Variants in TLK1 observed in about 807,000 individuals in gnomAD.
The protein encoded by TLK1 is serine/threonine-protein kinase tousled-like 1.
TLK1 carries 24 observed loss-of-function variants against 105.3 expected under a neutral mutation model. The ratio of observed to expected loss-of-function variants is 0.23; its 90% CI spans 0.17 to 0.32. The LOEUF is 0.32. TLK1 is among the 10% of genes least tolerant of loss of function. TLK1 has a pLI of 1.00. For missense variants in TLK1, 558 were observed against 910.5 expected, an observed-to-expected ratio of 0.61 and a Z score of 4.98; for synonymous variants, 321 against 310.4, an observed-to-expected ratio of 1.03 and a Z score of -0.36.
At chr2:171,028,076 T>C (rs951853782) in intron 12 of TLK1, among the ~76,000 whole-genome samples, 2 of 152,034 alleles carry the variant, frequency 1.3e-5, no homozygotes, top group African/African-American at 2.4e-5. Flanking sequence ...AGCACGAAAA[T>C]TGCTTGAACC....
upstream of TLK1, among the ~76,000 whole-genome samples, chr2:171,161,126 G>C (rs868091917): frequency 4.5e-3 from 662 of 147,758 alleles, 3 homozygotes; most frequent in African/African-American, 0.016. Context: ...ATCGCCGCGC[G>C]GCGCGGGAGC....
chr2:171,081,542 A>T, intron 3 of TLK1: 1 of 679,584 alleles, frequency 1.5e-6, no homozygotes. Context: ...AACTTTGACT[A>T]GAGCTAAACC....
chr2:171,101,970 A>C (rs573852118), intron 2 of TLK1, among the ~76,000 whole-genome samples: 2 of 152,244 alleles, frequency 1.3e-5, no homozygotes, highest in Non-Finnish European at 2.9e-5. Context: ...TTGAATAGGC[A>C]ATATAAACAG....
At chr2:171,016,301 C>T (rs1044545788) in intron 12 of TLK1, among the ~76,000 whole-genome samples, 1 of 152,068 alleles carries the variant, frequency 6.6e-6, no homozygotes, top group African/African-American at 2.4e-5. Flanking sequence ...GCCACCACAC[C>T]TGGCTATTTT....
intron 2 of TLK1, among the ~76,000 whole-genome samples, chr2:171,084,152 A>C (rs919173765): frequency 1.3e-5 from 2 of 152,184 alleles, no homozygotes; most frequent in Non-Finnish European, 2.9e-5. Context: ...ATATGGGAGG[A>C]AACAGAAAGA....
intron 1 of TLK1, among the ~76,000 whole-genome samples, chr2:171,207,687 T>C (rs1227183530): frequency 2.0e-5 from 3 of 152,166 alleles, no homozygotes; most frequent in Non-Finnish European, 4.4e-5. Context: ...GCTCTAAAAA[T>C]AAAATCTATT....
intron 5 of TLK1, 143 bp from the exon 6 acceptor site, chr2:171,056,709 A>C (rs933970583): frequency 3.9e-5 from 21 of 541,072 alleles, no homozygotes; most frequent in South Asian, 3.1e-4. Context: ...AAAAAAAAAA[A>C]CACAAGGTCA....
In TLK1 at chr2:171,020,956, G is replaced by A. The variant is rs551637117; in HGVS notation, c.1237-6008C>T. On this transcript the variant is annotated intron_variant, in intron 12 of 20. Transcript: ENST00000431350. The stretch of plus-strand genomic sequence containing the variant: ...CTAAAGTGGCTTATTACTGATGAGA[G>A]CATACTGTATCACCTCAGGTGTGTT... 4.6e-5 allele frequency among the ~76,000 whole-genome samples: 7 copies of A among 152,234 alleles called. No individual in the cohort carries two copies. The East Asian group carries it at 9.6e-4, about 21-fold the overall frequency.
At chr2:171,121,126 A>C (rs78400445) in intron 1 of TLK1, among the ~76,000 whole-genome samples, 27,740 of 152,100 alleles carry the variant, frequency 0.18, 3,393 homozygotes, top group East Asian at 0.54. Context: ...GAAGACAGAA[A>C]ATTTCTACAG....
intron 1 of TLK1, among the ~76,000 whole-genome samples, chr2:171,138,723 C>G (rs1224018277): frequency 1.3e-5 from 2 of 152,106 alleles, no homozygotes; most frequent in Admixed American, 1.3e-4. Context: ...TCTTGGTAAT[C>G]AAATATATGT....
chr2:171,053,737 T>C (rs775821705), intron 8 of TLK1, 24 bp downstream of exon 8: 5 of 1,508,982 alleles, frequency 3.3e-6, no homozygotes, highest in African/African-American at 2.8e-5. Context: ...TCAATTTTTT[T>C]CCCCTCTATG....
chr2:170,995,851 G>A (rs1238083302), intron 20 of TLK1, among the ~76,000 whole-genome samples: 2 of 152,018 alleles, frequency 1.3e-5, no homozygotes, highest in African/African-American at 2.4e-5. Context: ...TAAAGGCACG[G>A]GCCCCTACAC....
In TLK1 at chr2:171,129,173, ACT is replaced by A. The variant is rs567383166; in HGVS notation, c.140-11318_140-11317del. On this transcript the variant is annotated intron_variant, in intron 1 of 20. Transcript: ENST00000431350. ...CTTGTCTCTAACCTAAGTACTCAAGACTCTTTTTTGGTTTCATCCCTTTCCCT... is the reference window on the plus strand; with the variant it reads ...CTTGTCTCTAACCTAAGTACTCAAGACTTTTTTGGTTTCATCCCTTTCCCT... 3.9e-5 allele frequency among the ~76,000 whole-genome samples: 6 copies of A among 152,138 alleles called. No individual in the cohort carries two copies. The South Asian group carries it at 1.2e-3, about 32-fold the overall frequency.
intron 3 of TLK1, among the ~76,000 whole-genome samples, chr2:171,074,047 C>A (rs573535813): frequency 6.6e-6 from 1 of 151,912 alleles, no homozygotes; most frequent in Non-Finnish European, 1.5e-5. Context: ...TGTGCCACCA[C>A]GACCAGCTAA....
upstream of TLK1, among the ~76,000 whole-genome samples, chr2:171,163,328 T>C (rs1434467268): frequency 6.6e-6 from 1 of 152,238 alleles, no homozygotes; most frequent in Non-Finnish European, 1.5e-5. Context: ...TTCCTTTCCC[T>C]TGGATACATA....
intron 11 of TLK1, chr2:171,045,667 A>G (rs919878542): frequency 2.0e-5 from 3 of 152,294 alleles, no homozygotes; most frequent in Admixed American, 2.0e-4. Context: ...CTATTTTCCA[A>G]ATTTTCTTTT....
intron 1 of TLK1, among the ~76,000 whole-genome samples, chr2:171,128,384 T>C (rs1381885941): frequency 1.3e-5 from 2 of 152,146 alleles, no homozygotes; most frequent in Non-Finnish European, 2.9e-5. Flanking sequence ...CTTCCTTATA[T>C]AGAAAATGGA....
At chr2:171,053,975 T>G (rs1200179254) in intron 7 of TLK1, 122 bp from the exon 8 acceptor site, 1 of 718,506 alleles carries the variant, frequency 1.4e-6, no homozygotes, top group East Asian at 3.1e-5. Context: ...ATATGTAAAG[T>G]GAATCTCAAA....
intron 1 of TLK1, among the ~76,000 whole-genome samples, chr2:171,176,237 G>A (rs1692821810): frequency 6.6e-6 from 1 of 152,148 alleles, no homozygotes; most frequent in Non-Finnish European, 1.5e-5. Context: ...ACTGTGCCCG[G>A]CCGGGATATC....
Sources: allele counts gnomAD v4.1 joint callset (sites outside exome capture counted in the v4.1 genomes callset), GRCh38; gene constraint gnomAD v4.1.1; transcripts MANE v1.5; gene names NCBI Gene and HGNC (gene_info 2026-07-23, HGNC 2026-07-21).